ZCCHC24: variants seen among roughly 807,000 people sequenced by gnomAD.
The protein encoded by ZCCHC24 is zinc finger CCHC domain-containing protein 24.
ZCCHC24 carries 10 observed loss-of-function variants against 26.2 expected under a neutral mutation model. The observed-to-expected ratio is 0.38, with a 90% CI of 0.24 to 0.65. The LOEUF (loss-of-function observed/expected upper bound fraction) is 0.65, where lower values mean the gene tolerates loss of function less well. Ranked by LOEUF, ZCCHC24 falls within the 30% of genes least tolerant of loss-of-function variation. The pLI, the probability that ZCCHC24 is intolerant of heterozygous loss-of-function variation, is 0.54. For synonymous variants in ZCCHC24, 144 were observed against 147.1 expected (o/e 0.98, Z 0.15); for missense variants, 243 against 329.1 (o/e 0.74, Z 2.03).
At chr10:79,400,337 C>T (rs920315460) in intron 2 of ZCCHC24, among the ~76,000 whole-genome samples, 17 of 152,212 alleles carry the variant, frequency 1.1e-4, no homozygotes, top group African/African-American at 3.4e-4. Flanking sequence ...CATTCAACAA[C>T]AATGCCCGGG....
chr10:79,389,578 G>A (rs527458705), intron 3 of ZCCHC24, among the ~76,000 whole-genome samples: 1 of 151,632 alleles, frequency 6.6e-6, no homozygotes, highest in South Asian at 2.1e-4. Context: ...CTGTGTGATA[G>A]AGAAGTAAAT....
chr10:79,429,942 G>A (rs1415396135), intron 2 of ZCCHC24, among the ~76,000 whole-genome samples: 1 of 152,146 alleles, frequency 6.6e-6, no homozygotes, highest in Non-Finnish European at 1.5e-5. Context: ...AGATGGTGAG[G>A]AGCACAGAGA....
intron 2 of ZCCHC24, among the ~76,000 whole-genome samples, chr10:79,425,403 G>T (rs1292257356): frequency 6.6e-6 from 1 of 152,218 alleles, no homozygotes; most frequent in Non-Finnish European, 1.5e-5. Flanking sequence ...CACCAACTTG[G>T]CCAGACCAGG....
intron 2 of ZCCHC24, chr10:79,403,459 G>A (rs1589663964): frequency 1.0e-6 from 1 of 985,456 alleles, no homozygotes. Context: ...CAGGTGGAAG[G>A]GCTGCGTCCC....
intron 1 of ZCCHC24, among the ~76,000 whole-genome samples, chr10:79,442,258 C>A (rs891936523): frequency 6.6e-6 from 1 of 152,162 alleles, no homozygotes; most frequent in Admixed American, 6.5e-5. Flanking sequence ...GGCCTGGCAC[C>A]CTCACCACAA....
At chr10:79,418,952 G>A (rs1381674649) in intron 2 of ZCCHC24, among the ~76,000 whole-genome samples, 1 of 149,298 alleles carries the variant, frequency 6.7e-6, no homozygotes, top group Non-Finnish European at 1.5e-5. Context: ...AGAGATTCGG[G>A]AAAGGCATTG....
At chr10:79,422,429 G>A (rs1856956300) in intron 2 of ZCCHC24, among the ~76,000 whole-genome samples, 1 of 152,224 alleles carries the variant, frequency 6.6e-6, no homozygotes, top group Non-Finnish European at 1.5e-5. Flanking sequence ...GGCCTGGGGA[G>A]GGGTGCAGGG....
intron 2 of ZCCHC24, among the ~76,000 whole-genome samples, chr10:79,422,359 G>A (rs1304176579): frequency 6.6e-6 from 1 of 152,214 alleles, no homozygotes; most frequent in Non-Finnish European, 1.5e-5. Context: ...CATGGGCTGG[G>A]GGCCTCGGCC....
chr10:79,411,048 T>C lies in ZCCHC24; in HGVS notation c.448-16608A>G, dbSNP rs533100539. Among the ~76,000 whole-genome samples, 522 of 152,238 alleles carry C rather than the reference T, an allele frequency of 3.4e-3. 1 individual carries two copies. Among genetic ancestry groups the C allele is most frequent in the Admixed American group, 6.9e-3 (105 of 15,304 alleles). On this transcript the variant is annotated intron_variant, in intron 2 of 3. Transcript: ENST00000372336. ...AGCAAGGGAAGGTGATGACGGTGTC[T>C]TGTGCCGGCAGTGATGGACGGAAGG... is the stretch of plus-strand genomic sequence containing the variant.
At chr10:79,423,649 G>C (rs1210574535) in intron 2 of ZCCHC24, among the ~76,000 whole-genome samples, 4 of 122,950 alleles carry the variant, frequency 3.3e-5, no homozygotes, top group African/African-American at 1.2e-4. Context: ...TCTCCAGGCT[G>C]AGTTCATAAT....
At chr10:79,429,367 A>G (rs1857094717) in intron 2 of ZCCHC24, among the ~76,000 whole-genome samples, 1 of 152,150 alleles carries the variant, frequency 6.6e-6, no homozygotes, top group Admixed American at 6.5e-5. Flanking sequence ...TGGATCACTT[A>G]GACCAGGAGT....
intron 3 of ZCCHC24, among the ~76,000 whole-genome samples, chr10:79,391,038 G>A (rs760938141): frequency 5.3e-5 from 8 of 152,182 alleles, no homozygotes; most frequent in Non-Finnish European, 1.0e-4. Context: ...GCCCTGGGCG[G>A]TGGGAGACCT....
chr10:79,433,486 G>T (rs529818515), intron 1 of ZCCHC24, among the ~76,000 whole-genome samples: 1 of 152,332 alleles, frequency 6.6e-6, no homozygotes, highest in African/African-American at 2.4e-5. Flanking sequence ...CCCCCTCCTG[G>T]TATATACAGC....
rs551102429 is a variant in ZCCHC24 at position 79,440,110 on chromosome 10, G to A, written c.246+5085C>T. 1.7e-4 allele frequency among the ~76,000 whole-genome samples: 26 copies of A among 150,054 alleles called. 2 individuals are homozygous for A. The South Asian group carries it at 5.3e-3, about 30-fold the overall frequency. On this transcript the variant is annotated intron_variant, in intron 1 of 3. Transcript: ENST00000372336. ...AATCACATGCCACCACCACCACCAC[G>A]ACACACACACACACACACACAACAG...
chr10:79,433,351 G>C (rs1462058335), intron 1 of ZCCHC24, among the ~76,000 whole-genome samples: 1 of 151,940 alleles, frequency 6.6e-6, no homozygotes, highest in Non-Finnish European at 1.5e-5. Flanking sequence ...CTGTGTGTGG[G>C]GAGCCCTCAG....
chr10:79,427,607 A>G (rs1042808799), intron 2 of ZCCHC24, among the ~76,000 whole-genome samples: 1 of 108,142 alleles, frequency 9.2e-6, no homozygotes. Flanking sequence ...AGAGGAAATC[A>G]CAAGGGAAAT....
At chr10:79,413,646 A>G (rs1404986489) in intron 2 of ZCCHC24, among the ~76,000 whole-genome samples, 4 of 152,200 alleles carry the variant, frequency 2.6e-5, no homozygotes, top group Admixed American at 2.6e-4. Flanking sequence ...GGACCATGCA[A>G]TGACAACCGG....
intron 2 of ZCCHC24, among the ~76,000 whole-genome samples, chr10:79,421,118 G>A (rs1327543295): frequency 1.3e-5 from 2 of 151,832 alleles, no homozygotes; most frequent in Non-Finnish European, 1.5e-5. Flanking sequence ...CTCGAGGCCC[G>A]GACACTGGGT....
In ZCCHC24 at chr10:79,445,620, C is replaced by G. The variant is rs977796583; in HGVS notation, c.-180G>C. ...CGCTGCCGCTGCCGCCGCCTCCCCC[C>G]GACTGCGGCCCCGGCGCGCGCAGGC... On this transcript the variant is annotated 5_prime_UTR_variant, in exon 1 of 4. Coordinates refer to ENST00000372336, the MANE Select transcript of ZCCHC24 (RefSeq NM_153367.4). 26 of 368,594 alleles carry G rather than the reference C, an allele frequency of 7.1e-5. No individual in the cohort carries two copies. The highest frequency in any genetic ancestry group is 9.8e-5 in the Non-Finnish European group (26 of 264,994). The allele number at this position is 368,594 out of a possible 1,614,324, so 22.8% of individuals were successfully genotyped here.
Sources: allele counts gnomAD v4.1 joint callset (sites outside exome capture counted in the v4.1 genomes callset), GRCh38; gene constraint gnomAD v4.1.1; transcripts MANE v1.5; gene names NCBI Gene and HGNC (gene_info 2026-07-23, HGNC 2026-07-21).